Variants in ELMO1 observed in about 807,000 individuals in gnomAD.
The protein encoded by ELMO1 is engulfment and cell motility 1.
In ELMO1, 26 loss-of-function variants were observed where a neutral mutation model predicts 98.9. The ratio of observed to expected loss-of-function variants is 0.26; its 90% CI spans 0.19 to 0.36. ELMO1 has a LOEUF of 0.36. Among genes scored for constraint, ELMO1 ranks in the 10% least tolerant of loss-of-function variants. The pLI, the probability that ELMO1 is intolerant of heterozygous loss-of-function variation, is 1.00. For synonymous variants in ELMO1, 346 were observed against 346.0 expected, an observed-to-expected ratio of 1.00 and a Z score of 0.00; for missense variants, 627 against 935.2, an observed-to-expected ratio of 0.67 and a Z score of 4.30.
intron 5 of ELMO1, among the ~76,000 whole-genome samples, chr7:37,268,110 G>A (rs935834200): frequency 1.2e-4 from 19 of 152,164 alleles, no homozygotes; most frequent in Non-Finnish European, 2.1e-4. Context: ...TTTCTGATAC[G>A]AACAATAGCC....
At chr7:36,950,763 G>C (rs534567070) in intron 16 of ELMO1, among the ~76,000 whole-genome samples, 6 of 152,206 alleles carry the variant, frequency 3.9e-5, no homozygotes, top group South Asian at 4.1e-4. Flanking sequence ...ATCTCCATGA[G>C]GGCTCAGGGG....
intron 4 of ELMO1, among the ~76,000 whole-genome samples, chr7:37,287,578 GA>G (rs1797459652): frequency 6.6e-6 from 1 of 152,210 alleles, no homozygotes; most frequent in Non-Finnish European, 1.5e-5. Flanking sequence ...TAAAGGCACA[GA>G]TACTGCTTAT....
chr7:36,978,801 C>T (rs1329389916), intron 16 of ELMO1, among the ~76,000 whole-genome samples: 1 of 152,154 alleles, frequency 6.6e-6, no homozygotes, highest in Non-Finnish European at 1.5e-5. Context: ...GCTTTTGCTA[C>T]CCTAGAAATA....
intron 1 of ELMO1, among the ~76,000 whole-genome samples, chr7:37,432,291 C>T (rs1804962700): frequency 6.6e-6 from 1 of 152,172 alleles, no homozygotes; most frequent in Non-Finnish European, 1.5e-5. Context: ...AATAGGTATG[C>T]TCAGCAACTG....
At chr7:36,914,692 T>G (rs1250005743) in intron 16 of ELMO1, among the ~76,000 whole-genome samples, 2 of 152,098 alleles carry the variant, frequency 1.3e-5, no homozygotes, top group Non-Finnish European at 2.9e-5. Context: ...TTTTGTATTT[T>G]TAGTAGAGAC....
At chr7:36,950,006 C>A (rs1040939318) in intron 16 of ELMO1, among the ~76,000 whole-genome samples, 2 of 152,188 alleles carry the variant, frequency 1.3e-5, no homozygotes, top group South Asian at 2.1e-4. Flanking sequence ...GGTTGGAGTT[C>A]CCTCGTGCTG....
chr7:37,413,403 CA>C (rs1804075565), intron 1 of ELMO1, among the ~76,000 whole-genome samples: 1 of 152,156 alleles, frequency 6.6e-6, no homozygotes, highest in South Asian at 2.1e-4. Context: ...AAGTCTTGTT[CA>C]ACTTTGAATC....
At chr7:36,990,695 A>T (rs777587525) in intron 16 of ELMO1, among the ~76,000 whole-genome samples, 4 of 152,106 alleles carry the variant, frequency 2.6e-5, no homozygotes, top group Non-Finnish European at 5.9e-5. Flanking sequence ...CATAAGCATG[A>T]TTTATTAAAT....
intron 16 of ELMO1, among the ~76,000 whole-genome samples, chr7:36,939,170 G>T (rs901677136): frequency 9.6e-5 from 14 of 146,210 alleles, no homozygotes; most frequent in Non-Finnish European, 1.8e-4. Context: ...TAAGAAATGA[G>T]TTTTTTTTTT....
At chr7:36,901,869 A>G (rs192752550) in intron 16 of ELMO1, among the ~76,000 whole-genome samples, 1 of 152,344 alleles carries the variant, frequency 6.6e-6, no homozygotes, top group East Asian at 1.9e-4. Context: ...TGGGTGTTTT[A>G]TAATACATGC....
At chr7:37,108,340 C>T (rs1018182286) in intron 14 of ELMO1, among the ~76,000 whole-genome samples, 21 of 152,156 alleles carry the variant, frequency 1.4e-4, no homozygotes, top group African/African-American at 4.8e-4. Context: ...TGACACACTG[C>T]CCCTCCCACA....
chr7:37,316,966 G>A (rs754145111), intron 2 of ELMO1, among the ~76,000 whole-genome samples: 12 of 152,026 alleles, frequency 7.9e-5, no homozygotes, highest in Admixed American at 3.3e-4. Flanking sequence ...GTAAGTAACC[G>A]CAATTTTCTT....
rs185042837 is a variant in ELMO1 at position 37,322,751 on chromosome 7, C to T, written c.79-6791G>A. On this transcript the variant is annotated intron_variant, in intron 2 of 21. Transcript: ENST00000310758. ...CCAGGAAGCAGAGGTCGCAGTGAGCCGAGATAGTACCACCGTGCCAAGATA... is the reference window on the plus strand; with the variant it reads ...CCAGGAAGCAGAGGTCGCAGTGAGCTGAGATAGTACCACCGTGCCAAGATA... Among the ~76,000 whole-genome samples the T allele has an allele frequency of 1.1e-4, 17 of 151,732 alleles. No individual in the cohort carries two copies. In the East Asian group the frequency reaches 2.1e-3, roughly 19 times the overall value.
rs202051462 is a variant in ELMO1 at position 37,222,588 on chromosome 7, C to G, written c.780+27G>C. ...CACAAAGTTCCTAGCCTTGACATAG[C>G]CATAAGACTAAAGAAATGCAACTTA... On this transcript the variant is annotated intron_variant, in intron 10 of 21. Transcript: ENST00000310758. 9.9e-6 allele frequency: 16 copies of G among 1,609,274 alleles called. No individual in the cohort carries two copies. The East Asian group carries it at 3.3e-4, about 34-fold the overall frequency.
intron 13 of ELMO1, among the ~76,000 whole-genome samples, chr7:37,198,842 C>T (rs1222963903): frequency 6.6e-6 from 1 of 152,196 alleles, no homozygotes; most frequent in Non-Finnish European, 1.5e-5. Context: ...AGCCAGGGGA[C>T]AGAGTTATTG....
Position 37,417,683 on chromosome 7 carries a change from C to CACACACACACACACACAA in ELMO1, c.-74+30991_-74+30992insTTGTGTGTGTGTGTGTGT, listed in dbSNP as rs753914608. ...CGTCACACACACACACACACACACA[C>CACACACACACACACACAA]AAGCAAAAATTAGCTGGGTGTGGTG... is the stretch of plus-strand genomic sequence containing the variant. On this transcript the variant is annotated intron_variant, in intron 1 of 21. Coordinates refer to ENST00000310758, the MANE Select transcript of ELMO1 (RefSeq NM_014800.11). Among the ~76,000 whole-genome samples, 991 of 146,316 alleles carry CACACACACACACACACAA rather than the reference C, an allele frequency of 6.8e-3. 9 individuals carry two copies. The highest frequency in any genetic ancestry group is 9.3e-3 in the Non-Finnish European group (619 of 66,204).
intron 13 of ELMO1, among the ~76,000 whole-genome samples, chr7:37,134,852 G>A (rs1029538833): frequency 3.9e-5 from 6 of 152,324 alleles, no homozygotes; most frequent in South Asian, 2.1e-4. Context: ...AGAAGTGGGA[G>A]CTAAATGATT....
intron 4 of ELMO1, among the ~76,000 whole-genome samples, chr7:37,272,759 G>A (rs540039230): frequency 6.6e-6 from 1 of 151,788 alleles, no homozygotes; most frequent in South Asian, 2.1e-4. Context: ...CTAAGTGAAA[G>A]ATGCCAGACA....
intron 5 of ELMO1, among the ~76,000 whole-genome samples, chr7:37,265,493 G>C (rs1006901278): frequency 6.6e-6 from 1 of 152,076 alleles, no homozygotes; most frequent in Non-Finnish European, 1.5e-5. Context: ...TTTTGGAAGA[G>C]AGAGTAGCTC....
Sources: allele counts gnomAD v4.1 joint callset (sites outside exome capture counted in the v4.1 genomes callset), GRCh38; gene constraint gnomAD v4.1.1; transcripts MANE v1.5; gene names NCBI Gene and HGNC (gene_info 2026-07-23, HGNC 2026-07-21).